The following BANK1 variants were observed in gnomAD, a reference collection of about 807,000 sequenced individuals.
The protein encoded by BANK1 is B cell scaffold protein with ankyrin repeats 1.
In BANK1, 95 loss-of-function variants were observed where a neutral mutation model predicts 94.5. The observed-to-expected ratio is 1.00, with a 90% CI of 0.85 to 1.19. The LOEUF is 1.19. BANK1 is among the 50% of genes most tolerant of loss of function. The probability of loss-of-function intolerance (pLI) is 0.00; values close to 1 mark genes in which losing one functional copy is unlikely to be tolerated. For synonymous variants in BANK1, 334 were observed against 308.4 expected (o/e 1.08, Z -0.87); for missense variants, 987 against 932.2 (o/e 1.06, Z -0.77).
chr4:101,916,040 C>T (rs2148899396), intron 6 of BANK1, among the ~76,000 whole-genome samples: 1 of 152,146 alleles, frequency 6.6e-6, no homozygotes, highest in South Asian at 2.1e-4. Context: ...TTCAACTTTT[C>T]AGCTACCTTC....
At chr4:101,962,727 T>A (rs1724612286) in intron 7 of BANK1, among the ~76,000 whole-genome samples, 1 of 152,204 alleles carries the variant, frequency 6.6e-6, no homozygotes, top group Admixed American at 6.6e-5. Context: ...TATTCTGCGA[T>A]ATACATTCGT....
intron 7 of BANK1, among the ~76,000 whole-genome samples, chr4:101,974,999 C>T (rs1372912512): frequency 1.3e-5 from 2 of 151,960 alleles, no homozygotes; most frequent in Non-Finnish European, 2.9e-5. Context: ...GCAGTGTGCT[C>T]ATTGTAACCT....
chr4:102,025,208 G>C lies in BANK1; in HGVS notation c.1293G>C (p.Gln431His). 6.2e-7 allele frequency: 1 copy of C among 1,613,994 alleles called. No individual in the cohort carries two copies. The highest frequency in any genetic ancestry group is 8.5e-7 in the Non-Finnish European group (1 of 1,179,892). ...AATCTTCATCATAAACAGCCACACA[G>C]AACCCAGCATTTCATCATGAAAGCA... ...ASFSTYIPST[Q>H]NPAFHHESRK... Residue 431 changes from glutamine (Q) to histidine (H), a missense_variant, in exon 9 of 17, where the codon CAG becomes CAC. By Grantham distance (24) the Gln-to-His change is conservative. Transcript: ENST00000322953.
intron 1 of BANK1, among the ~76,000 whole-genome samples, chr4:101,791,453 C>CAACA (rs1467293196): frequency 6.6e-6 from 1 of 152,164 alleles, no homozygotes; most frequent in Admixed American, 6.5e-5. Context: ...GAAACTCTAC[C>CAACA]AACACCACCT....
At chr4:101,913,018 T>C (rs150387293) in intron 6 of BANK1, among the ~76,000 whole-genome samples, 2 of 152,304 alleles carry the variant, frequency 1.3e-5, no homozygotes, top group African/African-American at 4.8e-5. Context: ...GAAACCCATA[T>C]AAAGGCCAAT....
intron 7 of BANK1, among the ~76,000 whole-genome samples, chr4:102,000,591 A>G (rs1157485790): frequency 1.3e-5 from 2 of 152,314 alleles, no homozygotes; most frequent in South Asian, 4.1e-4. Flanking sequence ...GATTGCTTGC[A>G]GATTGGGAAG....
intron 1 of BANK1, among the ~76,000 whole-genome samples, chr4:101,792,545 C>T (rs1725032485): frequency 6.6e-6 from 1 of 150,548 alleles, no homozygotes; most frequent in African/African-American, 2.4e-5. Context: ...GTCAATTGGT[C>T]CAACTGCCTC....
intron 1 of BANK1, among the ~76,000 whole-genome samples, 166 bp from the exon 2 acceptor site, chr4:101,829,642 T>G (rs1726524086): frequency 6.6e-6 from 1 of 152,120 alleles, no homozygotes. Context: ...AATTCTAGTT[T>G]TATTTAATCT....
chr4:101,878,280 G>T (rs1034902284), intron 5 of BANK1, among the ~76,000 whole-genome samples: 2 of 152,036 alleles, frequency 1.3e-5, no homozygotes, highest in Admixed American at 1.3e-4. Flanking sequence ...CATGCCAATG[G>T]AAACCAAAAA....
chr4:101,841,327 A>C lies in BANK1; in HGVS notation c.469+11121A>C, dbSNP rs188122241. ...CCATATATAATTCTGATTGTGCAGA[A>C]TATAAACTGTTTAAAAGTTGAGAGA... On this transcript the variant is annotated intron_variant, in intron 2 of 16. Coordinates refer to ENST00000322953, the MANE Select transcript of BANK1 (RefSeq NM_017935.5). 3.3e-5 allele frequency among the ~76,000 whole-genome samples: 5 copies of C among 152,344 alleles called. No individual in the cohort carries two copies. The East Asian group carries it at 9.6e-4, about 29-fold the overall frequency.
At chr4:101,830,357 T>C in intron 2 of BANK1, 151 bp downstream of exon 2, 1 of 571,270 alleles carries the variant, frequency 1.8e-6, no homozygotes, top group East Asian at 3.2e-5. Context: ...TGTTGTACTG[T>C]CCACAAAATA....
intron 7 of BANK1, among the ~76,000 whole-genome samples, chr4:101,976,707 GT>G (rs1434622160): frequency 6.6e-6 from 1 of 152,060 alleles, no homozygotes; most frequent in African/African-American, 2.4e-5. Context: ...ATTTATCTGA[GT>G]TTAGTCAGTT....
chr4:101,901,773 T>C (rs549808875), intron 6 of BANK1, among the ~76,000 whole-genome samples: 2 of 151,360 alleles, frequency 1.3e-5, no homozygotes, highest in Non-Finnish European at 2.9e-5. Flanking sequence ...GTTTTTGTTT[T>C]TTTTTGAAAC....
intron 5 of BANK1, among the ~76,000 whole-genome samples, chr4:101,881,824 C>G (rs1728686419): frequency 6.6e-6 from 1 of 151,818 alleles, no homozygotes; most frequent in African/African-American, 2.4e-5. Flanking sequence ...CACAGAAAGA[C>G]AAACATCGCA....
intron 6 of BANK1, among the ~76,000 whole-genome samples, chr4:101,914,298 G>A (rs1242250092): frequency 1.3e-5 from 2 of 152,060 alleles, no homozygotes; most frequent in Non-Finnish European, 2.9e-5. Context: ...AATGGTCACA[G>A]TTGCCTCCCC....
At chr4:101,905,893 C>T (rs1267546380) in intron 6 of BANK1, among the ~76,000 whole-genome samples, 1 of 152,152 alleles carries the variant, frequency 6.6e-6, no homozygotes, top group Non-Finnish European at 1.5e-5. Flanking sequence ...ACGTATGGTT[C>T]TCTTGGTCCC....
intron 6 of BANK1, among the ~76,000 whole-genome samples, chr4:101,896,875 C>G (rs1390096654): frequency 4.0e-5 from 6 of 151,840 alleles, no homozygotes; most frequent in Non-Finnish European, 8.8e-5. Context: ...TGAAAATAAT[C>G]TTCCAAAGAT....
At chr4:101,870,823 C>T (rs1328215037) in intron 5 of BANK1, among the ~76,000 whole-genome samples, 179 bp downstream of exon 5, 1 of 150,614 alleles carries the variant, frequency 6.6e-6, no homozygotes, top group African/African-American at 2.5e-5. Flanking sequence ...ATTACTTTGC[C>T]TAGGTCAAAA....
At chr4:101,858,853 T>C (rs1345898356) in intron 3 of BANK1, among the ~76,000 whole-genome samples, 1 of 152,208 alleles carries the variant, frequency 6.6e-6, no homozygotes, top group African/African-American at 2.4e-5. Context: ...GGTCTTTATT[T>C]TATATGACCT....
Sources: gnomAD v4.1 joint callset for allele counts (sites outside exome capture counted in the v4.1 genomes callset) on GRCh38, gnomAD v4.1.1 for gene constraint, MANE v1.5 for transcripts, NCBI Gene and HGNC (gene_info 2026-07-23, HGNC 2026-07-21) for gene names.